Variants in TTYH3 observed in about 807,000 individuals in gnomAD.
TTYH3 encodes the protein protein tweety homolog 3.
Under a neutral mutation model 68.2 loss-of-function variants are expected in TTYH3, and 23 were observed. The observed-to-expected ratio is 0.34, with a 90% CI of 0.24 to 0.48. The LOEUF (loss-of-function observed/expected upper bound fraction) is 0.48, where lower values mean the gene tolerates loss of function less well. Ranked by LOEUF, TTYH3 falls within the 20% of genes least tolerant of loss-of-function variation. The probability of loss-of-function intolerance (pLI) is 0.99; values close to 1 mark genes in which losing one functional copy is unlikely to be tolerated. For missense variants in TTYH3, 768 were observed against 727.7 expected, an observed-to-expected ratio of 1.06 and a Z score of -0.64; for synonymous variants, 360 against 332.8, an observed-to-expected ratio of 1.08 and a Z score of -0.89.
At chr7:2,646,830 C>G in intron 1 of TTYH3, 23 bp from the exon 2 acceptor site, 4 of 1,585,712 alleles carry the variant, frequency 2.5e-6, no homozygotes, top group Non-Finnish European at 3.4e-6. Flanking sequence ...ACCCCTCCAG[C>G]GCCGCTTCCT....
chr7:2,660,100 C>T (rs1786451524), intron 13 of TTYH3: 7 of 1,261,654 alleles, frequency 5.5e-6, no homozygotes, highest in African/African-American at 1.5e-5. Flanking sequence ...CCGCCTCCAC[C>T]CTGCACTCAC....
chr7:2,647,840 C>T (rs1338797734), intron 4 of TTYH3, 119 bp from the exon 5 acceptor site: 1 of 1,234,080 alleles, frequency 8.1e-7, no homozygotes, highest in Non-Finnish European at 1.2e-6. Context: ...GACCCAGACG[C>T]TCTGAATGCC....
In TTYH3 at chr7:2,647,121, TCA is replaced by T. The variant is rs759062820; in HGVS notation, c.294-19_294-18del. ...GTGTGTGGGTGGGCGGGGCTACATC[TCA>T]CGGGCCCGCCCTCTCCAGCGCCGGC... On this transcript the variant is annotated intron_variant, in intron 2 of 13. Coordinates refer to ENST00000258796, the MANE Select transcript of TTYH3 (RefSeq NM_025250.3). The T allele has an allele frequency of 2.5e-6, 4 of 1,579,010 alleles. No homozygotes were observed. Among genetic ancestry groups the T allele is most frequent in the Non-Finnish European group, 3.4e-6 (4 of 1,165,908 alleles).
At position 2,646,963 on chromosome 7, in the gene TTYH3, C is replaced by G. The variant is rs757747971; in HGVS notation, c.234C>G (p.His78Gln). ...GCCGGCGGCGCAAGAGCGAGGAGCA[C>G]CTGGACGCCGACTGCTGCTGCACGG... Reference protein sequence around the residue: ...LCCRRRKSEEHLDADCCCTAW... With the variant: ...LCCRRRKSEEQLDADCCCTAW... Residue 78 changes from histidine to glutamine, a missense_variant, in exon 2 of 14, where the codon CAC becomes CAG. By Grantham distance (24) the His-to-Gln change is conservative. Coordinates refer to ENST00000258796, the MANE Select transcript of TTYH3 (RefSeq NM_025250.3). The G allele has an allele frequency of 6.3e-7, 1 of 1,598,394 alleles. No homozygotes were observed. The highest frequency in any genetic ancestry group is 8.5e-7 in the Non-Finnish European group (1 of 1,177,132).
At chr7:2,648,086 C>G (rs1252265443) in intron 5 of TTYH3, 32 bp downstream of exon 5, 1 of 1,592,334 alleles carries the variant, frequency 6.3e-7, no homozygotes, top group East Asian at 2.2e-5. Context: ...CCCCGTGGGC[C>G]CAAAGCGGAG....
At chr7:2,638,315 C>T (rs1181431986) in intron 1 of TTYH3, among the ~76,000 whole-genome samples, 6 of 152,150 alleles carry the variant, frequency 3.9e-5, no homozygotes, top group Non-Finnish European at 7.4e-5. Flanking sequence ...CCAAAATAGA[C>T]ACGCTTGCTG....
intron 9 of TTYH3, among the ~76,000 whole-genome samples, chr7:2,653,825 T>C (rs1440523730): frequency 6.6e-6 from 1 of 152,214 alleles, no homozygotes; most frequent in Non-Finnish European, 1.5e-5. Flanking sequence ...ATCACGCCAC[T>C]GCACTCCAGC....
intron 2 of TTYH3, 46 bp from the exon 3 acceptor site, chr7:2,647,096 G>T: frequency 6.5e-7 from 1 of 1,545,130 alleles, no homozygotes; most frequent in Non-Finnish European, 8.7e-7. Context: ...GGAGTGGGGT[G>T]TGTGTGGGTG....
rs1786414797 is a variant in TTYH3, at chr7:2,658,920, T to G, written c.1425-20T>G. 1 of 1,612,986 alleles carries G rather than the reference T, an allele frequency of 6.2e-7. No homozygotes were observed. Among genetic ancestry groups the G allele is most frequent in the Admixed American group, 1.7e-5 (1 of 59,926 alleles). ...GCATGGCCAGCAGGCACTCACAGCC[T>G]CTCTCCCCTCATGCCTCAGGAGCCA... On this transcript the variant is annotated intron_variant, in intron 12 of 13. Coordinates refer to ENST00000258796, the MANE Select transcript of TTYH3 (RefSeq NM_025250.3).
intron 1 of TTYH3, among the ~76,000 whole-genome samples, chr7:2,643,224 G>A (rs1474552272): frequency 6.6e-6 from 1 of 151,248 alleles, no homozygotes; most frequent in East Asian, 1.9e-4. Flanking sequence ...GCTTGGTGGC[G>A]GGTGCCTGTA....
chr7:2,654,241 A>G (rs1018422808), intron 9 of TTYH3, among the ~76,000 whole-genome samples: 9 of 152,094 alleles, frequency 5.9e-5, no homozygotes, highest in Admixed American at 2.6e-4. Flanking sequence ...AAAAAAATAC[A>G]AAAACTAGCT....
At chr7:2,648,088 A>C in intron 5 of TTYH3, 34 bp downstream of exon 5, 1 of 1,587,664 alleles carries the variant, frequency 6.3e-7, no homozygotes, top group Non-Finnish European at 8.6e-7. Context: ...CCGTGGGCCC[A>C]AAGCGGAGGG....
At position 2,658,961 on chromosome 7, in the gene TTYH3, G is replaced by A; in HGVS notation, c.1446G>A (p.Gln482=). The part of the protein sequence containing the change: ...TEYMSQNANF[Q]NPRCENTPLI... ...TCAGGAGCCAGAACGCTAATTTCCA[G>A]AACCCCCGCTGTGAGAACACCCCAC... Residue 482 remains glutamine, a synonymous_variant, in exon 13 of 14, where the codon CAG becomes CAA. Transcript: ENST00000258796. 6.2e-7 allele frequency: 1 copy of A among 1,614,030 alleles called. No homozygotes were observed. The highest frequency in any genetic ancestry group is 8.5e-7 in the Non-Finnish European group (1 of 1,179,914).
intron 7 of TTYH3, among the ~76,000 whole-genome samples, chr7:2,651,555 T>C (rs1362689609): frequency 6.6e-6 from 1 of 152,050 alleles, no homozygotes; most frequent in Non-Finnish European, 1.5e-5. Flanking sequence ...TCTCATCAAG[T>C]ATGAGCAGCG....
At chr7:2,661,608 C>T (rs1454805421) in intron 13 of TTYH3, 60 bp from the exon 14 acceptor site, 5 of 1,550,906 alleles carry the variant, frequency 3.2e-6, no homozygotes, top group Non-Finnish European at 4.4e-6. Context: ...GCGGAAGGCG[C>T]CCCTGGCTGC....
At chr7:2,650,226 G>A (rs1786130061) in intron 7 of TTYH3, among the ~76,000 whole-genome samples, 1 of 152,236 alleles carries the variant, frequency 6.6e-6, no homozygotes, top group African/African-American at 2.4e-5. Flanking sequence ...GGGAGCGGCA[G>A]GTGACCCAGG....
chr7:2,656,405 T>G lies in TTYH3; in HGVS notation c.1121T>G (p.Val374Gly), dbSNP rs1328652292. Residue 374 changes from valine (V) to glycine (G), a missense_variant, in exon 11 of 14, where the codon GTG becomes GGG. By Grantham distance (109) the Val-to-Gly change is moderately radical (BLOSUM62 -3). Transcript: ENST00000258796. ...VDCRSLHLDY[V>G]QALTGFCYDG... ...CTCATCCCACGGCCTCAGGACTACG[T>G]GCAAGCGCTGACCGGCTTCTGCTAT... 6.2e-7 allele frequency: 1 copy of G among 1,610,036 alleles called. No homozygotes were observed. The highest frequency in any genetic ancestry group is 8.5e-7 in the Non-Finnish European group (1 of 1,179,426).
chr7:2,653,732 A>G (rs934091857), intron 9 of TTYH3, among the ~76,000 whole-genome samples: 61 of 152,168 alleles, frequency 4.0e-4, no homozygotes, highest in Non-Finnish European at 1.5e-4. Context: ...GCGTGGTGGT[A>G]CACGCCTGTA....
chr7:2,645,407 C>T lies in TTYH3; in HGVS notation c.124-1446C>T, dbSNP rs1785953522. ...CCAGGAGAAGGGACAGCTCTGGGGC[C>T]ACGTTACCCTCCCTCCCCGCAGCGG... On this transcript the variant is annotated intron_variant, in intron 1 of 13. Transcript: ENST00000258796. The surrounding 1 kb of genome is among the most constrained non-coding windows in gnomAD (Gnocchi z 4.8). 5.8e-6 allele frequency: 1 copy of T among 170,958 alleles called. No individual in the cohort carries two copies. The highest frequency in any genetic ancestry group is 2.4e-5 in the African/African-American group (1 of 42,160). 10.6% of individuals were successfully genotyped at this position (170,958 alleles called of 1,614,324 possible). A position where few individuals can be genotyped will look rare whatever the true frequency, so the allele number is the denominator to read the frequency against.
Sources: gnomAD v4.1 joint callset for allele counts (sites outside exome capture counted in the v4.1 genomes callset) on GRCh38, gnomAD v4.1.1 for gene constraint, Gnocchi (gnomAD v3.1) non-coding constraint, MANE v1.5 for transcripts, NCBI Gene and HGNC (gene_info 2026-07-23, HGNC 2026-07-21) for gene names.